Variants in PCDH11X observed in about 807,000 individuals in gnomAD.
The protein encoded by PCDH11X is protocadherin 11 X-linked, also known as protocadherin-11 X-linked.
PCDH11X carries 18 observed loss-of-function variants against 53.3 expected under a neutral mutation model. That is an observed-to-expected ratio of 0.34 (90% CI 0.23 to 0.50). The LOEUF is 0.50. PCDH11X is among the 20% of genes least tolerant of loss of function. The probability of loss-of-function intolerance (pLI) is 0.98; values close to 1 mark genes in which losing one functional copy is unlikely to be tolerated. For synonymous variants in PCDH11X, 279 were observed against 393.3 expected (o/e 0.71, Z 3.44); for missense variants, 570 against 1,032.4 (o/e 0.55, Z 6.14).
intron 10 of PCDH11X, among the ~76,000 whole-genome samples, chrX:92,560,796 AC>A (rs2075120132): frequency 9.6e-6 from 1 of 104,306 alleles, no homozygotes; most frequent in Non-Finnish European, 2.0e-5. Context: ...AACTGGTGAA[AC>A]TTTTGATGCC....
intron 5 of PCDH11X, among the ~76,000 whole-genome samples, chrX:91,841,459 C>T (rs1468981580): frequency 9.9e-5 from 11 of 111,203 alleles, no homozygotes; most frequent in Non-Finnish European, 2.1e-4. Context: ...CTTAATATTA[C>T]CAACTAACTA....
chrX:92,523,127 A>C (rs2074394621), intron 10 of PCDH11X, among the ~76,000 whole-genome samples: 1 of 112,218 alleles, frequency 8.9e-6, no homozygotes, highest in Admixed American at 9.4e-5. Flanking sequence ...CCCCCAGAAT[A>C]ACATCAAAGC....
intron 10 of PCDH11X, among the ~76,000 whole-genome samples, chrX:92,484,201 ATATATGTATATATATGTATATATG>A (rs2073584889): frequency 2.8e-5 from 2 of 70,292 alleles, no homozygotes; most frequent in East Asian, 3.8e-4. Flanking sequence ...GTATATATGT[ATATATGTATATATATGTATATATG>A]TATATATGTA....
chrX:92,102,796 C>G (rs187901822), intron 6 of PCDH11X, among the ~76,000 whole-genome samples: 4,237 of 110,814 alleles, frequency 0.038, 202 homozygotes, highest in African/African-American at 0.13. Flanking sequence ...GGGTTTGGCA[C>G]CATGGGGTGG....
chrX:92,223,017 G>T (rs1288245237), intron 7 of PCDH11X, among the ~76,000 whole-genome samples: 4 of 111,854 alleles, frequency 3.6e-5, no homozygotes, highest in Non-Finnish European at 7.5e-5. Context: ...ACATGGTTTT[G>T]CTCTGTTGCT....
intron 6 of PCDH11X, among the ~76,000 whole-genome samples, chrX:91,917,335 C>A (rs1941597524): frequency 9.4e-6 from 1 of 105,825 alleles, no homozygotes; most frequent in Non-Finnish European, 1.9e-5. Flanking sequence ...ATAAAGGAAT[C>A]AAGGTGCATC....
At chrX:92,309,706 T>C (rs2148479937) in intron 8 of PCDH11X, among the ~76,000 whole-genome samples, 1 of 111,913 alleles carries the variant, frequency 8.9e-6, no homozygotes, top group South Asian at 3.7e-4. Context: ...CAAAACAAAC[T>C]CAGACCTGTA....
intron 8 of PCDH11X, among the ~76,000 whole-genome samples, chrX:92,320,527 G>A (rs1279032516): frequency 9.1e-6 from 1 of 110,485 alleles, no homozygotes; most frequent in Non-Finnish European, 1.9e-5. Context: ...GTTACCACTA[G>A]CAAATAAATA....
intron 6 of PCDH11X, among the ~76,000 whole-genome samples, chrX:91,921,671 A>G (rs1941743938): frequency 9.7e-6 from 1 of 102,710 alleles, no homozygotes; most frequent in African/African-American, 3.6e-5. Context: ...ATGAATAATC[A>G]TTTCTGAATC....
At chrX:92,346,643 C>G (rs1377324855) in intron 8 of PCDH11X, among the ~76,000 whole-genome samples, 1 of 112,126 alleles carries the variant, frequency 8.9e-6, no homozygotes, top group African/African-American at 3.2e-5. Flanking sequence ...AATGCCCATG[C>G]ATCTTGACTT....
chrX:91,822,909 T>G (rs1212904806), intron 4 of PCDH11X, among the ~76,000 whole-genome samples: 1 of 111,427 alleles, frequency 9.0e-6, no homozygotes, highest in Non-Finnish European at 1.9e-5. Context: ...ACATCTTTAT[T>G]TCTGCCTTGA....
intron 6 of PCDH11X, among the ~76,000 whole-genome samples, chrX:92,007,364 G>A (rs1357077558): frequency 8.9e-6 from 1 of 111,803 alleles, no homozygotes; most frequent in Non-Finnish European, 1.9e-5. Flanking sequence ...TCCAAAGGCA[G>A]AGGAGCCTCT....
At chrX:92,397,187 TTTAA>T (rs1250375291) in intron 9 of PCDH11X, among the ~76,000 whole-genome samples, 1 of 69,829 alleles carries the variant, frequency 1.4e-5, no homozygotes, top group African/African-American at 5.5e-5. Context: ...AACAGTGAGT[TTTAA>T]TTAACTTTTA....
chrX:92,171,195 C>T (rs2065820286), intron 6 of PCDH11X, among the ~76,000 whole-genome samples: 1 of 104,783 alleles, frequency 9.5e-6, no homozygotes, highest in Non-Finnish European at 2.0e-5. Context: ...AGGAAGTATA[C>T]TCATTTTACA....
chrX:92,042,230 T>G (rs1224713252), intron 6 of PCDH11X, among the ~76,000 whole-genome samples: 1 of 110,887 alleles, frequency 9.0e-6, no homozygotes, highest in Non-Finnish European at 1.9e-5. Context: ...ATTATTAAAT[T>G]AAAATATATC....
intron 6 of PCDH11X, among the ~76,000 whole-genome samples, chrX:92,153,150 G>T (rs1161668895): frequency 9.1e-6 from 1 of 109,898 alleles, no homozygotes; most frequent in African/African-American, 3.3e-5. Flanking sequence ...TTCCCAAGGG[G>T]GTATACTTAG....
chrX:91,940,819 C>T (rs2061500191), intron 6 of PCDH11X, among the ~76,000 whole-genome samples: 1 of 108,359 alleles, frequency 9.2e-6, no homozygotes, highest in Non-Finnish European at 1.9e-5. Context: ...AGGTGTGAGC[C>T]ACTGCGCCTG....
At chrX:92,083,855 C>G (rs1244913147) in intron 6 of PCDH11X, among the ~76,000 whole-genome samples, 1 of 111,172 alleles carries the variant, frequency 9.0e-6, no homozygotes, top group East Asian at 2.8e-4. Context: ...CTTTGGGAGG[C>G]TGAGGAGGGA....
intron 6 of PCDH11X, among the ~76,000 whole-genome samples, chrX:92,101,228 C>G (rs1221533466): frequency 9.0e-6 from 1 of 111,104 alleles, no homozygotes. Context: ...AGGAGTATGA[C>G]TAGACAGAAA....
Sources: gnomAD v4.1 joint callset for allele counts (sites outside exome capture counted in the v4.1 genomes callset) on GRCh38, gnomAD v4.1.1 for gene constraint, MANE v1.5 for transcripts, NCBI Gene and HGNC (gene_info 2026-07-23, HGNC 2026-07-21) for gene names.